Variants in NFKBIZ observed in about 807,000 individuals in gnomAD.
The protein encoded by NFKBIZ is NFKB inhibitor zeta, also known as NF-kappa-B inhibitor zeta.
NFKBIZ carries 19 observed loss-of-function variants against 76.8 expected under a neutral mutation model. The observed-to-expected ratio is 0.25, with a 90% CI of 0.17 to 0.36. The LOEUF is 0.36. Among genes scored for constraint, NFKBIZ ranks in the 10% least tolerant of loss-of-function variants. NFKBIZ has a pLI of 1.00. For synonymous variants in NFKBIZ, 368 were observed against 354.8 expected (o/e 1.04, Z -0.42); for missense variants, 829 against 910.9 (o/e 0.91, Z 1.16).
chr3:101,830,490 T>C (rs1472713365), intron 2 of NFKBIZ, among the ~76,000 whole-genome samples: 1 of 152,218 alleles, frequency 6.6e-6, no homozygotes, highest in African/African-American at 2.4e-5. Flanking sequence ...CTCCCCCATC[T>C]AGCAGTCCTC....
At position 101,853,867 on chromosome 3, in the gene NFKBIZ, A is replaced by C. The variant is rs765096591; in HGVS notation, c.1337+4A>C. ...CAAAGGATGCAGATGGTGACACGTG[A>C]GTATTCTTTTATCTCATGTTCTTAA... On this transcript the variant is annotated splice_donor_region_variant and intron_variant, in intron 5 of 11. Transcript: ENST00000326172. 6.2e-7 allele frequency: 1 copy of C among 1,610,210 alleles called. No individual in the cohort carries two copies. The highest frequency in any genetic ancestry group is 8.5e-7 in the Non-Finnish European group (1 of 1,178,138).
chr3:101,857,829 A>G, intron 11 of NFKBIZ: 3 of 981,496 alleles, frequency 3.1e-6, no homozygotes, highest in Non-Finnish European at 3.6e-6. Context: ...TATTGTGGAT[A>G]TTAAATGAGT....
intron 5 of NFKBIZ, 114 bp downstream of exon 5, chr3:101,853,977 C>A: frequency 3.0e-6 from 3 of 1,008,940 alleles, no homozygotes; most frequent in Non-Finnish European, 4.4e-6. Flanking sequence ...GGTTGGCTAA[C>A]CAAGATGACT....
rs2107395170 is a variant in NFKBIZ, at chr3:101,834,539, T to G, written c.-12+4851T>G. 4.6e-5 allele frequency among the ~76,000 whole-genome samples: 7 copies of G among 152,268 alleles called. 1 individual carries two copies. The South Asian group carries it at 1.5e-3, about 32-fold the overall frequency. On this transcript the variant is annotated intron_variant, in intron 2 of 12. Transcript: ENST00000394054. ...CCACGCCCGGCTAATTTTTGTATTT[T>G]TAGAAGAGATGGGGTTTCACTGTGT...
At chr3:101,859,205 C>G in intron 11 of NFKBIZ, 113 bp from the exon 12 acceptor site, 1 of 730,066 alleles carries the variant, frequency 1.4e-6, no homozygotes, top group Non-Finnish European at 2.4e-6. Context: ...CGTATACTTA[C>G]AAGTTAATAG....
chr3:101,850,567 TA>T (rs1942939395), intron 1 of NFKBIZ: 1 of 152,204 alleles, frequency 6.6e-6, no homozygotes, highest in Admixed American at 6.5e-5. Flanking sequence ...GAGAAAGACG[TA>T]ATGTTATCTT....
chr3:101,846,969 T>TG (rs1371533489), upstream of NFKBIZ, among the ~76,000 whole-genome samples: 1 of 152,216 alleles, frequency 6.6e-6, no homozygotes, highest in Non-Finnish European at 1.5e-5. Flanking sequence ...AGTCAGAGTC[T>TG]GAAGGCCCAA....
upstream of NFKBIZ, among the ~76,000 whole-genome samples, chr3:101,848,636 G>A (rs1273512392): frequency 6.6e-6 from 1 of 152,230 alleles, no homozygotes; most frequent in African/African-American, 2.4e-5. Context: ...TTGGAAAAAA[G>A]TATTCAAGAT....
At chr3:101,835,720 T>C (rs1942710844) in intron 2 of NFKBIZ, among the ~76,000 whole-genome samples, 1 of 152,176 alleles carries the variant, frequency 6.6e-6, no homozygotes, top group Admixed American at 6.5e-5. Flanking sequence ...TCTCCAAACA[T>C]AGCCACATTC....
At chr3:101,852,368 A>G in intron 2 of NFKBIZ, 144 bp downstream of exon 2, 2 of 1,053,606 alleles carry the variant, frequency 1.9e-6, no homozygotes, top group Non-Finnish European at 2.8e-6. Flanking sequence ...CAGAGACCAT[A>G]TTTGTCTGGT....
rs35824432 is a variant in NFKBIZ, at chr3:101,843,020, T to TAAA, written c.-11-9039_-11-9037dup. Among the ~76,000 whole-genome samples the TAAA allele has an allele frequency of 4.8e-3, 317 of 66,430 alleles. 6 individuals carry two copies. The highest frequency in any genetic ancestry group is 0.014 in the African/African-American group (256 of 18,772). The allele number at this position is 66,430 out of a possible 152,430, so 43.6% of individuals were successfully genotyped here. On this transcript the variant is annotated intron_variant, in intron 2 of 12. Coordinates refer to the NFKBIZ transcript ENST00000394054. Reference sequence around the variant, plus strand: ...ATTTATTTTTAAAAACTGTATTTTCTAAAAAAAAAAAAAAAAAAAAAAAAA... The same window carrying TAAA: ...ATTTATTTTTAAAAACTGTATTTTCTAAAAAAAAAAAAAAAAAAAAAAAAAAAA...
At chr3:101,841,065 A>T (rs1942779597) in intron 2 of NFKBIZ, among the ~76,000 whole-genome samples, 1 of 152,180 alleles carries the variant, frequency 6.6e-6, no homozygotes, top group Admixed American at 6.5e-5. Flanking sequence ...GGATGTTCTG[A>T]GATGTGCAAA....
Position 101,849,901 on chromosome 3 carries a change from C to T in NFKBIZ, c.273C>T (p.Arg91=), listed in dbSNP as rs535651244. 103 of 1,428,992 alleles carry T rather than the reference C, an allele frequency of 7.2e-5. 1 individual carries two copies. In the South Asian group the frequency reaches 8.8e-4, roughly 12 times the overall value. The allele number at this position is 1,428,992 out of a possible 1,614,324, so 88.5% of individuals were successfully genotyped here. A position where few individuals can be genotyped will look rare whatever the true frequency, so the allele number is the denominator to read the frequency against. Residue 91 remains arginine, a synonymous_variant, in exon 1 of 12, where the codon CGC becomes CGT. Coordinates refer to ENST00000326172, the MANE Select transcript of NFKBIZ (RefSeq NM_031419.4). ...AGTCCCGGTCGAGAGGCGGCGCCCG[C>T]GCCGAGCGCCAGCCAGGTACCCGCC... ...AVESRSRGGA[R]AERQPVEPHM... is the part of the protein sequence containing the mutation.
chr3:101,849,445 G>A, upstream of NFKBIZ: 1 of 423,300 alleles, frequency 2.4e-6, no homozygotes, highest in Non-Finnish European at 3.9e-6. Flanking sequence ...CCAATGGCCG[G>A]GCCGGGCGCC....
At chr3:101,854,539 C>T (rs1205575388) in intron 5 of NFKBIZ, 39 bp from the exon 6 acceptor site, 2 of 1,189,500 alleles carry the variant, frequency 1.7e-6, no homozygotes, top group South Asian at 1.3e-5. Context: ...TTAGTGAAAT[C>T]AGAAGTGATT....
At chr3:101,851,583 A>G (rs1942964636) in intron 1 of NFKBIZ, among the ~76,000 whole-genome samples, 2 of 152,380 alleles carry the variant, frequency 1.3e-5, no homozygotes, top group South Asian at 4.1e-4. Flanking sequence ...CGGAATTGAT[A>G]GACTTTAAAA....
chr3:101,838,379 A>G (rs1481308015), intron 2 of NFKBIZ, among the ~76,000 whole-genome samples: 1 of 152,174 alleles, frequency 6.6e-6, no homozygotes, highest in Non-Finnish European at 1.5e-5. Context: ...AATGCTACAG[A>G]TAGGTATGCA....
rs146268755 is a variant in NFKBIZ at position 101,859,504 on chromosome 3, A to G, written c.*133A>G. 3 of 597,876 alleles carry G rather than the reference A, an allele frequency of 5.0e-6. No individual in the cohort carries two copies. The highest frequency in any genetic ancestry group is 2.8e-4 in the Middle Eastern group (1 of 3,618). The allele number at this position is 597,876 out of a possible 1,614,324, so 37.0% of individuals were successfully genotyped here. A position where few individuals can be genotyped will look rare whatever the true frequency, so the allele number is the denominator to read the frequency against. On this transcript the variant is annotated 3_prime_UTR_variant, in exon 12 of 12. Coordinates refer to ENST00000326172, the MANE Select transcript of NFKBIZ (RefSeq NM_031419.4). Reference sequence around the variant, plus strand: ...ATGAAACAAACATATTTAGTTCACTATTATATAGTGGGTTATATTAAAAGA... The same window carrying G: ...ATGAAACAAACATATTTAGTTCACTGTTATATAGTGGGTTATATTAAAAGA...
intron 1 of NFKBIZ, among the ~76,000 whole-genome samples, chr3:101,828,651 C>G (rs1229304768): frequency 6.6e-6 from 1 of 152,148 alleles, no homozygotes; most frequent in African/African-American, 2.4e-5. Context: ...ATAGCATGCC[C>G]TCATTCATTC....
Sources: gnomAD v4.1 joint callset for allele counts (sites outside exome capture counted in the v4.1 genomes callset) on GRCh38, gnomAD v4.1.1 for gene constraint, MANE v1.5 for transcripts, NCBI Gene and HGNC (gene_info 2026-07-23, HGNC 2026-07-21) for gene names.